The following PLXDC2 variants were observed in gnomAD, a reference collection of about 807,000 sequenced individuals.
The protein encoded by PLXDC2 is plexin domain-containing protein 2.
In PLXDC2, 40 loss-of-function variants were observed where a neutral mutation model predicts 68.9. The observed-to-expected ratio is 0.58, with a 90% CI of 0.45 to 0.76. PLXDC2 has a LOEUF of 0.76. Among genes scored for constraint, PLXDC2 ranks in the 30% least tolerant of loss-of-function variants. PLXDC2 has a pLI of 0.00. For missense variants in PLXDC2, 644 were observed against 661.9 expected, an observed-to-expected ratio of 0.97 and a Z score of 0.30; for synonymous variants, 243 against 234.2, an observed-to-expected ratio of 1.04 and a Z score of -0.34.
intron 4 of PLXDC2, among the ~76,000 whole-genome samples, chr10:20,072,173 T>A (rs2131710367): frequency 6.6e-6 from 1 of 151,644 alleles, no homozygotes; most frequent in South Asian, 2.1e-4. Context: ...AGTTTGAGAC[T>A]AGACTGCCCA....
intron 13 of PLXDC2, among the ~76,000 whole-genome samples, chr10:20,252,991 T>C (rs1276240728): frequency 2.0e-5 from 3 of 152,054 alleles, no homozygotes; most frequent in Non-Finnish European, 2.9e-5. Flanking sequence ...CATAGAACTT[T>C]TTATGGAGCT....
intron 4 of PLXDC2, among the ~76,000 whole-genome samples, chr10:20,140,828 T>C (rs965143185): frequency 2.0e-5 from 3 of 151,978 alleles, no homozygotes; most frequent in African/African-American, 7.2e-5. Context: ...AAAATTAAAC[T>C]CATTTTGTAG....
At chr10:20,166,661 C>A (rs1834379060) in intron 7 of PLXDC2, among the ~76,000 whole-genome samples, 2 of 152,026 alleles carry the variant, frequency 1.3e-5, no homozygotes. Context: ...GCTTACTCAG[C>A]AGGGCTTTTA....
chr10:20,155,749 G>A (rs1834208302), intron 6 of PLXDC2, among the ~76,000 whole-genome samples: 2 of 152,196 alleles, frequency 1.3e-5, no homozygotes, highest in South Asian at 4.1e-4. Flanking sequence ...TTTTCCTAGT[G>A]TAAGAAAATA....
intron 9 of PLXDC2, among the ~76,000 whole-genome samples, chr10:20,196,420 G>A (rs1033190459): frequency 1.8e-4 from 27 of 151,980 alleles, no homozygotes; most frequent in African/African-American, 5.8e-4. Context: ...TGCCATGGAG[G>A]GTATAGAATA....
chr10:20,154,554 ACT>A (rs1834193386), intron 6 of PLXDC2, among the ~76,000 whole-genome samples: 1 of 130,472 alleles, frequency 7.7e-6, no homozygotes, highest in South Asian at 2.4e-4. Context: ...ACAGAAGGAG[ACT>A]CTGTCTCAAA....
At chr10:19,852,720 T>G (rs1037918991) in intron 1 of PLXDC2, among the ~76,000 whole-genome samples, 2 of 152,164 alleles carry the variant, frequency 1.3e-5, no homozygotes, top group African/African-American at 4.8e-5. Context: ...TTTGTGCCAT[T>G]TAGTTAATAA....
intron 13 of PLXDC2, among the ~76,000 whole-genome samples, chr10:20,264,930 A>G (rs1311876713): frequency 6.6e-6 from 1 of 152,160 alleles, no homozygotes; most frequent in Non-Finnish European, 1.5e-5. Flanking sequence ...TTATTTACCC[A>G]AAACAACGAG....
chr10:20,063,323 T>G (rs1008142020), intron 3 of PLXDC2, among the ~76,000 whole-genome samples: 4 of 152,086 alleles, frequency 2.6e-5, no homozygotes, highest in African/African-American at 9.7e-5. Context: ...ATAAAAAGAC[T>G]TGGGGAGTCA....
At chr10:20,092,055 T>G (rs1833284128) in intron 4 of PLXDC2, among the ~76,000 whole-genome samples, 1 of 152,144 alleles carries the variant, frequency 6.6e-6, no homozygotes, top group Non-Finnish European at 1.5e-5. Flanking sequence ...TAAGCGAAAC[T>G]TCATTTTACT....
intron 13 of PLXDC2, among the ~76,000 whole-genome samples, chr10:20,274,457 T>C (rs766953810): frequency 4.4e-4 from 67 of 152,136 alleles, no homozygotes; most frequent in Non-Finnish European, 7.9e-4. Context: ...TCCTTGAAGA[T>C]CATCCATAAG....
chr10:19,964,694 C>G (rs1343669509), intron 1 of PLXDC2, among the ~76,000 whole-genome samples: 1 of 152,044 alleles, frequency 6.6e-6, no homozygotes, highest in Non-Finnish European at 1.5e-5. Flanking sequence ...CTCTCTGCCC[C>G]AGTAGACAGA....
intron 4 of PLXDC2, among the ~76,000 whole-genome samples, chr10:20,119,231 C>T (rs993665983): frequency 2.0e-5 from 3 of 152,118 alleles, no homozygotes; most frequent in Non-Finnish European, 4.4e-5. Flanking sequence ...AAGAGACCAC[C>T]AAACAGGCTT....
chr10:20,279,946 G>T lies in PLXDC2; in HGVS notation c.*127G>T, dbSNP rs1836060192. ...CTCTAAGCTGCTGTAGCCTGAAGAAGACAAGATTTCTGGACAAGCTCAGCC... is the reference window on the plus strand; with the variant it reads ...CTCTAAGCTGCTGTAGCCTGAAGAATACAAGATTTCTGGACAAGCTCAGCC... On this transcript the variant is annotated 3_prime_UTR_variant, in exon 14 of 14. Transcript: ENST00000377252. 2 of 712,344 alleles carry T rather than the reference G, an allele frequency of 2.8e-6. No individual in the cohort carries two copies. The highest frequency in any genetic ancestry group is 3.7e-5 in the South Asian group (2 of 53,672). 44.1% of individuals were successfully genotyped at this position (712,344 alleles called of 1,614,324 possible). A position where few individuals can be genotyped will look rare whatever the true frequency, so the allele number is the denominator to read the frequency against.
intron 4 of PLXDC2, among the ~76,000 whole-genome samples, chr10:20,129,999 T>C (rs1355809034): frequency 6.6e-6 from 1 of 152,182 alleles, no homozygotes; most frequent in Non-Finnish European, 1.5e-5. Flanking sequence ...TACAGGCCTT[T>C]TGTGGTTCCA....
Position 20,163,212 on chromosome 10 carries a change from G to A in PLXDC2, c.784-1256G>A, listed in dbSNP as rs115185823. On this transcript the variant is annotated intron_variant, in intron 6 of 13. Coordinates refer to ENST00000377252, the MANE Select transcript of PLXDC2 (RefSeq NM_032812.9). ...ACACAAAATTTGCAAACACTTTAACGTTGTTTAAGAGAGACCTGAAATAAT... is the reference window on the plus strand; with the variant it reads ...ACACAAAATTTGCAAACACTTTAACATTGTTTAAGAGAGACCTGAAATAAT... Among the ~76,000 whole-genome samples, 1,277 of 152,154 alleles carry A rather than the reference G, an allele frequency of 8.4e-3. 18 individuals are homozygous for A. The highest frequency in any genetic ancestry group is 0.029 in the African/African-American group (1,193 of 41,504).
intron 7 of PLXDC2, among the ~76,000 whole-genome samples, chr10:20,167,611 AG>A (rs1447474271): frequency 6.6e-6 from 1 of 152,160 alleles, no homozygotes; most frequent in Non-Finnish European, 1.5e-5. Context: ...TATTCTAAGT[AG>A]TGAGTAGTTT....
chr10:19,936,711 C>T (rs188115618), intron 1 of PLXDC2, among the ~76,000 whole-genome samples: 169 of 152,276 alleles, frequency 1.1e-3, no homozygotes, highest in African/African-American at 3.7e-3. Flanking sequence ...GGAGTATTTA[C>T]GCCAAGGAAA....
At chr10:20,123,499 G>C (rs535060708) in intron 4 of PLXDC2, among the ~76,000 whole-genome samples, 1 of 152,022 alleles carries the variant, frequency 6.6e-6, no homozygotes, top group Non-Finnish European at 1.5e-5. Flanking sequence ...AACTACTGTC[G>C]AGTTTGTATT....
Sources: gnomAD v4.1 joint callset for allele counts (sites outside exome capture counted in the v4.1 genomes callset) on GRCh38, gnomAD v4.1.1 for gene constraint, MANE v1.5 for transcripts, NCBI Gene and HGNC (gene_info 2026-07-23, HGNC 2026-07-21) for gene names.